SLC45A4: variants seen among roughly 807,000 people sequenced by gnomAD.
SLC45A4 encodes solute carrier family 45 member 4.
A neutral mutation model predicts 63.7 loss-of-function variants in SLC45A4; 32 were observed. That is an observed-to-expected ratio of 0.50 (90% CI 0.38 to 0.67). The LOEUF is 0.67. Ranked by LOEUF, SLC45A4 falls within the 30% of genes least tolerant of loss-of-function variation. The probability of loss-of-function intolerance (pLI) is 0.00; values close to 1 mark genes in which losing one functional copy is unlikely to be tolerated. For synonymous variants in SLC45A4, 535 were observed against 510.0 expected (o/e 1.05, Z -0.66); for missense variants, 1,027 against 1,157.7 (o/e 0.89, Z 1.64).
At chr8:141,244,972 G>A (rs1375779843) in intron 2 of SLC45A4, among the ~76,000 whole-genome samples, 1 of 117,372 alleles carries the variant, frequency 8.5e-6, no homozygotes, top group Non-Finnish European at 1.8e-5. Context: ...GGGGGGGGCG[G>A]TGTGGAGGTG....
intron 5 of SLC45A4, among the ~76,000 whole-genome samples, chr8:141,217,493 T>C (rs10107024): frequency 0.65 from 99,412 of 152,108 alleles, 33,145 homozygotes; most frequent in East Asian, 0.82. Context: ...CCGCAGCCTC[T>C]GCCGTGGCCC....
chr8:141,260,313 C>T (rs752190678), intron 1 of SLC45A4, among the ~76,000 whole-genome samples: 2 of 152,210 alleles, frequency 1.3e-5, no homozygotes, highest in Non-Finnish European at 2.9e-5. Flanking sequence ...TGCAAGCTTC[C>T]GAGCTTCTAA....
At chr8:141,280,227 C>A (rs1166037569) in intron 1 of SLC45A4, among the ~76,000 whole-genome samples, 3 of 152,352 alleles carry the variant, frequency 2.0e-5, no homozygotes, top group African/African-American at 4.8e-5. Context: ...CCCCACGTGC[C>A]CCCTGCCCAC....
chr8:141,256,544 ACT>A lies in SLC45A4; in HGVS notation c.-400-1917_-400-1916del, dbSNP rs1330778811. On this transcript the variant is annotated intron_variant, in intron 1 of 8. Transcript: ENST00000517878. The surrounding 1 kb of genome is among the most constrained non-coding windows in gnomAD (Gnocchi z 4.3). ...GCACGTGGGCCCCAGGAGGGAGAAGACTCCGCTGTACAGGAGGTTCTGGAAGG... is the reference window on the plus strand; with the variant it reads ...GCACGTGGGCCCCAGGAGGGAGAAGACCGCTGTACAGGAGGTTCTGGAAGG... 27 of 455,818 alleles carry A rather than the reference ACT, an allele frequency of 5.9e-5. No individual in the cohort carries two copies. The highest frequency in any genetic ancestry group is 1.2e-4 in the Admixed American group (5 of 42,528). 28.2% of individuals were successfully genotyped at this position (455,818 alleles called of 1,614,324 possible).
chr8:141,294,613 T>C (rs2154615338), intron 1 of SLC45A4, among the ~76,000 whole-genome samples: 1 of 152,318 alleles, frequency 6.6e-6, no homozygotes, highest in East Asian at 1.9e-4. Context: ...AGCACTCCTG[T>C]GGCAGGAACG....
At chr8:141,268,951 C>T (rs1485649015) in intron 1 of SLC45A4, among the ~76,000 whole-genome samples, 2 of 152,228 alleles carry the variant, frequency 1.3e-5, no homozygotes, top group African/African-American at 2.4e-5. Flanking sequence ...CCAGTTTCAA[C>T]GAGGCATGTG....
rs1291339943 is a variant in SLC45A4 at position 141,278,989 on chromosome 8, C to A, written c.-400-24360G>T. Reference sequence around the variant, plus strand: ...CCCCAGCCCCCACCTTGGCCCCCAGCCTGTGGGCACAGTTTCTCTCCACAG... The same window carrying A: ...CCCCAGCCCCCACCTTGGCCCCCAGACTGTGGGCACAGTTTCTCTCCACAG... On this transcript the variant is annotated intron_variant, in intron 1 of 8. Coordinates refer to ENST00000517878, the MANE Select transcript of SLC45A4 (RefSeq NM_001286646.2). The surrounding 1 kb of genome is among the most constrained non-coding windows in gnomAD (Gnocchi z 4.1). Among the ~76,000 whole-genome samples the A allele has an allele frequency of 6.6e-6, 1 of 152,240 alleles. No homozygotes were observed. Among genetic ancestry groups the A allele is most frequent in the African/African-American group, 2.4e-5 (1 of 41,474 alleles).
At chr8:141,301,065 C>T (rs920545701) in intron 1 of SLC45A4, among the ~76,000 whole-genome samples, 1 of 152,146 alleles carries the variant, frequency 6.6e-6, no homozygotes, top group Non-Finnish European at 1.5e-5. Flanking sequence ...AACTGGACTG[C>T]CTGAGAAGCT....
intron 1 of SLC45A4, among the ~76,000 whole-genome samples, chr8:141,258,203 C>A (rs568426830): frequency 6.6e-6 from 1 of 152,140 alleles, no homozygotes; most frequent in Non-Finnish European, 1.5e-5. Context: ...GGCCTAGGGT[C>A]AGGAAGTCGC....
Position 141,254,861 on chromosome 8 carries a change from T to G in SLC45A4, c.-400-232A>C, listed in dbSNP as rs949907120. On this transcript the variant is annotated intron_variant, in intron 1 of 8. Transcript: ENST00000517878. The surrounding 1 kb of genome is among the most constrained non-coding windows in gnomAD (Gnocchi z 4.5). ...CTGGGGAAGGACAAAGGTGGGGCAA[T>G]CAAGGAAAGCAGGATCAAAGAACAG... 3 of 432,246 alleles carry G rather than the reference T, an allele frequency of 6.9e-6. No homozygotes were observed. The highest frequency in any genetic ancestry group is 1.3e-5 in the Non-Finnish European group (3 of 224,786). The allele number at this position is 432,246 out of a possible 1,614,324, so 26.8% of individuals were successfully genotyped here. A position where few individuals can be genotyped will look rare whatever the true frequency, so the allele number is the denominator to read the frequency against.
chr8:141,265,033 G>A (rs115561537), intron 1 of SLC45A4, among the ~76,000 whole-genome samples: 1,713 of 152,204 alleles, frequency 0.011, 29 homozygotes, highest in African/African-American at 0.039. Context: ...TTGTCTGAGC[G>A]AGAATGGACA....
At position 141,230,788 on chromosome 8, in the gene SLC45A4, AAG is replaced by A. The variant is rs535522640; in HGVS notation, c.242-9025_242-9024del. ...GTCCATTTTCTGAAGAAATGAAAAG[AAG>A]AGAAATGCTGCCAGAGAGCATGTGG... On this transcript the variant is annotated intron_variant, in intron 2 of 8. Transcript: ENST00000517878. 1.8e-3 allele frequency among the ~76,000 whole-genome samples: 273 copies of A among 152,366 alleles called. 4 individuals carry two copies. Among genetic ancestry groups the A allele is most frequent in the Admixed American group, 0.017 (261 of 15,308 alleles).
chr8:141,264,954 C>A (rs1000401556), intron 1 of SLC45A4, among the ~76,000 whole-genome samples: 9 of 152,136 alleles, frequency 5.9e-5, no homozygotes, highest in African/African-American at 2.2e-4. Context: ...TGGAAAGGCC[C>A]CTGTGTTCCT....
chr8:141,271,824 G>A (rs1033770863), intron 1 of SLC45A4, among the ~76,000 whole-genome samples: 1 of 151,294 alleles, frequency 6.6e-6, no homozygotes, highest in Non-Finnish European at 1.5e-5. Context: ...CACACACCAC[G>A]TGTGCATGCA....
chr8:141,223,948 AACTCTG>A (rs1311388395), intron 2 of SLC45A4, among the ~76,000 whole-genome samples: 2 of 151,992 alleles, frequency 1.3e-5, no homozygotes, highest in Non-Finnish European at 2.9e-5. Flanking sequence ...CCTTTCTGAA[AACTCTG>A]ACTTTTCATC....
chr8:141,291,909 C>A (rs919872), intron 1 of SLC45A4, among the ~76,000 whole-genome samples: 2 of 152,232 alleles, frequency 1.3e-5, no homozygotes, highest in Non-Finnish European at 2.9e-5. Context: ...AAGCACAGGC[C>A]GTCCTCCAGA....
rs538142910 is a variant in SLC45A4, at chr8:141,211,432, C to G, written c.*140G>C. On this transcript the variant is annotated 3_prime_UTR_variant, in exon 9 of 9. Coordinates refer to ENST00000517878, the MANE Select transcript of SLC45A4 (RefSeq NM_001286646.2). ...CCCTGGGCAGGGTGTCTGGGAGCCA[C>G]CCCTGCAAATCACTGTCTTCTGCCC... 6.4e-7 allele frequency: 1 copy of G among 1,562,808 alleles called. No homozygotes were observed. The highest frequency in any genetic ancestry group is 1.2e-5 in the South Asian group (1 of 83,960).
intron 7 of SLC45A4, among the ~76,000 whole-genome samples, chr8:141,214,208 A>G (rs1044635071): frequency 6.6e-6 from 1 of 152,012 alleles, no homozygotes; most frequent in African/African-American, 2.4e-5. Flanking sequence ...AAAAAAAAAA[A>G]AGCATCATAC....
intron 2 of SLC45A4, among the ~76,000 whole-genome samples, chr8:141,231,778 C>T (rs901126656): frequency 2.0e-5 from 3 of 152,252 alleles, no homozygotes; most frequent in Non-Finnish European, 4.4e-5. Context: ...CGGCACCGAG[C>T]CATGGATCCC....
Sources: gnomAD v4.1 joint callset for allele counts (sites outside exome capture counted in the v4.1 genomes callset) on GRCh38, gnomAD v4.1.1 for gene constraint, Gnocchi (gnomAD v3.1) non-coding constraint, MANE v1.5 for transcripts, NCBI Gene and HGNC (gene_info 2026-07-23, HGNC 2026-07-21) for gene names.